Variants in CCDC178 observed in about 807,000 individuals in gnomAD.
CCDC178 encodes coiled-coil domain-containing protein 178.
A neutral mutation model predicts 117.4 loss-of-function variants in CCDC178; 126 were observed. The observed-to-expected ratio is 1.07, with a 90% CI of 0.93 to 1.24. The LOEUF is 1.24. Ranked by LOEUF, CCDC178 falls within the 50% of genes most tolerant of loss-of-function variation. The pLI, the probability that CCDC178 is intolerant of heterozygous loss-of-function variation, is 0.00. For synonymous variants in CCDC178, 283 were observed against 313.4 expected, an observed-to-expected ratio of 0.90 and a Z score of 1.02; for missense variants, 1,030 against 986.9, an observed-to-expected ratio of 1.04 and a Z score of -0.59.
chr18:33,266,516 C>A (rs2059816995), intron 14 of CCDC178, among the ~76,000 whole-genome samples: 1 of 145,772 alleles, frequency 6.9e-6, no homozygotes, highest in African/African-American at 2.6e-5. Flanking sequence ...CTGCTTATAA[C>A]TTTTACAATT....
chr18:32,952,772 CTTTT>C (rs112669320), intron 22 of CCDC178, among the ~76,000 whole-genome samples: 4 of 130,062 alleles, frequency 3.1e-5, no homozygotes, highest in Admixed American at 7.7e-5. Flanking sequence ...ATTTTATAAA[CTTTT>C]TTTTTTTTTT....
At chr18:33,193,264 C>CAAAAAAA (rs59092607) in intron 20 of CCDC178, among the ~76,000 whole-genome samples, 5 of 77,178 alleles carry the variant, frequency 6.5e-5, no homozygotes, top group Admixed American at 2.1e-4. Flanking sequence ...CTCCGTCTCA[C>CAAAAAAA]AAAAAAAAAA....
chr18:33,131,612 T>G (rs1182620512), intron 20 of CCDC178, among the ~76,000 whole-genome samples: 2 of 151,844 alleles, frequency 1.3e-5, no homozygotes, highest in Non-Finnish European at 3.0e-5. Flanking sequence ...ACCAACATTA[T>G]GCCATTTCTT....
intron 21 of CCDC178, among the ~76,000 whole-genome samples, chr18:33,073,322 A>G (rs1454534073): frequency 6.6e-6 from 1 of 152,046 alleles, no homozygotes; most frequent in African/African-American, 2.4e-5. Context: ...TTACATGATT[A>G]TACGATGTGA....
intron 22 of CCDC178, among the ~76,000 whole-genome samples, chr18:32,950,459 G>A (rs1049898091): frequency 1.3e-4 from 20 of 152,154 alleles, no homozygotes; most frequent in Non-Finnish European, 2.9e-5. Flanking sequence ...GCTTTGTTCA[G>A]TGATTGGTTA....
Position 33,217,594 on chromosome 18 carries a change from A to C in CCDC178, c.1933-1899T>G, listed in dbSNP as rs550547877. On this transcript the variant is annotated intron_variant, in intron 18 of 22. Transcript: ENST00000383096. ...AATACTATATTGGCCTATGTCATAAATTTTGCTGTATAGTTTGTCATTATT... is the reference window on the plus strand; with the variant it reads ...AATACTATATTGGCCTATGTCATAACTTTTGCTGTATAGTTTGTCATTATT... 4.6e-5 allele frequency among the ~76,000 whole-genome samples: 7 copies of C among 151,946 alleles called. No individual in the cohort carries two copies. In the South Asian group the frequency reaches 1.2e-3, roughly 27 times the overall value.
chr18:33,236,250 C>A (rs2059425102), intron 15 of CCDC178, among the ~76,000 whole-genome samples: 2 of 152,072 alleles, frequency 1.3e-5, no homozygotes, highest in Admixed American at 1.3e-4. Context: ...ACATAATTCT[C>A]AGATTTAGAG....
intron 21 of CCDC178, among the ~76,000 whole-genome samples, chr18:33,082,852 T>C (rs1179260505): frequency 6.6e-6 from 1 of 152,022 alleles, no homozygotes; most frequent in East Asian, 1.9e-4. Context: ...TTTTACAATG[T>C]GTTCTGATTT....
intron 12 of CCDC178, among the ~76,000 whole-genome samples, chr18:33,272,316 T>C (rs1434778147): frequency 6.6e-6 from 1 of 151,344 alleles, no homozygotes; most frequent in African/African-American, 2.4e-5. Flanking sequence ...AATGAATAAA[T>C]TCCCAAAAAT....
rs79737614 is a variant in CCDC178, at chr18:33,392,841, C to G, written c.119-3212G>C. ...TCCAACCTGGGCAACAAAGTAAAAC[C>G]CTCTCTCTAAAAAATAAAATAAATA... is the stretch of plus-strand genomic sequence containing the variant. On this transcript the variant is annotated intron_variant, in intron 4 of 22. Transcript: ENST00000383096. 1.0e-3 allele frequency among the ~76,000 whole-genome samples: 156 copies of G among 151,962 alleles called. 3 individuals are homozygous for G. The East Asian group carries it at 0.021, about 20-fold the overall frequency.
chr18:33,080,391 T>C, intron 21 of CCDC178, among the ~76,000 whole-genome samples: 1 of 152,010 alleles, frequency 6.6e-6, no homozygotes, highest in African/African-American at 2.4e-5. Flanking sequence ...GTAACAAACC[T>C]GCACATGTAA....
intron 20 of CCDC178, among the ~76,000 whole-genome samples, chr18:33,110,827 C>G (rs1185485608): frequency 6.6e-6 from 1 of 151,520 alleles, no homozygotes; most frequent in African/African-American, 2.4e-5. Flanking sequence ...CATAGTAAGT[C>G]TAGGTATCTG....
chr18:33,167,809 GC>G (rs2058551214), intron 20 of CCDC178, among the ~76,000 whole-genome samples: 1 of 152,098 alleles, frequency 6.6e-6, no homozygotes, highest in African/African-American at 2.4e-5. Flanking sequence ...GGAGGTTGCA[GC>G]AAGCTGAGAT....
chr18:33,071,604 AATCC>A (rs1254478045), intron 21 of CCDC178, among the ~76,000 whole-genome samples: 1 of 152,068 alleles, frequency 6.6e-6, no homozygotes, highest in Non-Finnish European at 1.5e-5. Flanking sequence ...ATGGTAGTGA[AATCC>A]ATCTTGTTTT....
At chr18:33,084,936 G>C (rs1171892749) in intron 21 of CCDC178, among the ~76,000 whole-genome samples, 3 of 151,908 alleles carry the variant, frequency 2.0e-5, no homozygotes, top group African/African-American at 7.3e-5. Flanking sequence ...ATCATCCTCT[G>C]TCAGTTTTAC....
At chr18:32,991,850 G>A (rs1001445558) in intron 21 of CCDC178, among the ~76,000 whole-genome samples, 15 of 152,152 alleles carry the variant, frequency 9.9e-5, no homozygotes. Flanking sequence ...TGCTCCTGAA[G>A]AATTCTGTGT....
At chr18:33,354,062 T>C (rs1364391810) in intron 7 of CCDC178, among the ~76,000 whole-genome samples, 1 of 152,190 alleles carries the variant, frequency 6.6e-6, no homozygotes, top group African/African-American at 2.4e-5. Flanking sequence ...TCGGAATTCT[T>C]CATTGACAGT....
At chr18:32,980,493 C>A (rs575921198) in intron 21 of CCDC178, among the ~76,000 whole-genome samples, 1 of 141,008 alleles carries the variant, frequency 7.1e-6, no homozygotes, top group African/African-American at 2.6e-5. Flanking sequence ...ATGGCGTGAA[C>A]CCGGAAGGCG....
chr18:33,084,300 T>C (rs1035774695), intron 21 of CCDC178, among the ~76,000 whole-genome samples: 1 of 152,196 alleles, frequency 6.6e-6, no homozygotes, highest in African/African-American at 2.4e-5. Flanking sequence ...AATTATAACA[T>C]GAAGATGCCA....
Sources: gnomAD v4.1 joint callset for allele counts (sites outside exome capture counted in the v4.1 genomes callset) on GRCh38, gnomAD v4.1.1 for gene constraint, MANE v1.5 for transcripts, NCBI Gene and HGNC (gene_info 2026-07-23, HGNC 2026-07-21) for gene names.